PRKN: variants seen among roughly 807,000 people sequenced by gnomAD.
PRKN encodes the protein parkin RBR E3 ubiquitin protein ligase, also known as E3 ubiquitin-protein ligase parkin.
In PRKN, 56 loss-of-function variants were observed where a neutral mutation model predicts 59.5. The observed-to-expected ratio is 0.94, with a 90% confidence interval of 0.76 to 1.18. PRKN has a LOEUF of 1.18. PRKN is among the 50% of genes most tolerant of loss of function. The probability of loss-of-function intolerance (pLI) is 0.00; values close to 1 mark genes in which losing one functional copy is unlikely to be tolerated. For synonymous variants in PRKN, 250 were observed against 222.1 expected, an observed-to-expected ratio of 1.13 and a Z score of -1.12; for missense variants, 657 against 596.4, an observed-to-expected ratio of 1.10 and a Z score of -1.06.
intron 6 of PRKN, among the ~76,000 whole-genome samples, chr6:161,912,943 G>A (rs545588905): frequency 2.0e-5 from 3 of 152,230 alleles, no homozygotes; most frequent in African/African-American, 4.8e-5. Context: ...TTGGGTGGAC[G>A]AGGCGGGTGG....
chr6:162,486,966 A>C (rs961831821), intron 1 of PRKN, among the ~76,000 whole-genome samples: 4 of 152,088 alleles, frequency 2.6e-5, no homozygotes, highest in Admixed American at 2.6e-4. Flanking sequence ...GCTACTCGGG[A>C]GGCTGAGGCA....
chr6:161,833,616 G>A (rs1031052736), intron 6 of PRKN, among the ~76,000 whole-genome samples: 7 of 152,070 alleles, frequency 4.6e-5, no homozygotes, highest in Non-Finnish European at 7.4e-5. Flanking sequence ...GACTCCCCTC[G>A]GATGTCCGGG....
intron 2 of PRKN, among the ~76,000 whole-genome samples, chr6:162,332,609 A>T (rs1783632198): frequency 6.6e-6 from 1 of 152,208 alleles, no homozygotes; most frequent in Admixed American, 6.5e-5. Context: ...TCTGTTGGAA[A>T]ATTGCTGTGA....
At position 161,440,678 on chromosome 6, in the gene PRKN, C is replaced by T. The variant is rs1789166213; in HGVS notation, c.1084-53801G>A. On this transcript the variant is annotated intron_variant, in intron 9 of 11. Transcript: ENST00000366898. This position sits in a 1 kb window ranked among gnomAD's most constrained non-coding sequence, Gnocchi z 4.1. ...ATTCATAACATATCTATCACAAATG[C>T]ATTCTGAGATTGCTTGGATCTAAAT... Among the ~76,000 whole-genome samples, 1 of 152,180 alleles carries T rather than the reference C, an allele frequency of 6.6e-6. No individual in the cohort carries two copies. Among genetic ancestry groups the T allele is most frequent in the Non-Finnish European group, 1.5e-5 (1 of 68,040 alleles).
At chr6:162,567,188 C>T (rs1246812443) in intron 1 of PRKN, among the ~76,000 whole-genome samples, 1 of 109,746 alleles carries the variant, frequency 9.1e-6, no homozygotes, top group South Asian at 3.3e-4. Context: ...AAACTGAAAG[C>T]CTTTCTTCTA....
intron 1 of PRKN, among the ~76,000 whole-genome samples, chr6:162,491,170 T>G (rs900684078): frequency 1.3e-5 from 2 of 148,454 alleles, no homozygotes; most frequent in Admixed American, 1.4e-4. Context: ...CTAGGGAGGC[T>G]GAGGCACACG....
intron 2 of PRKN, among the ~76,000 whole-genome samples, chr6:162,347,410 T>G (rs1784448236): frequency 6.6e-6 from 1 of 151,940 alleles, no homozygotes; most frequent in Admixed American, 6.5e-5. Flanking sequence ...CTTTGATCCA[T>G]TAGTTACTTA....
At chr6:161,572,251 A>T (rs1780918839) in intron 7 of PRKN, among the ~76,000 whole-genome samples, 1 of 152,236 alleles carries the variant, frequency 6.6e-6, no homozygotes, top group Non-Finnish European at 1.5e-5. Context: ...TATATTATAT[A>T]ACATTTCATA....
At chr6:162,189,765 G>T (rs1784195297) in intron 4 of PRKN, among the ~76,000 whole-genome samples, 1 of 151,758 alleles carries the variant, frequency 6.6e-6, no homozygotes, top group East Asian at 2.0e-4. Context: ...TGTCATATTG[G>T]TTTATACTGA....
At chr6:162,588,356 A>T (rs1366014778) in intron 1 of PRKN, among the ~76,000 whole-genome samples, 1 of 151,920 alleles carries the variant, frequency 6.6e-6, no homozygotes, top group African/African-American at 2.4e-5. Context: ...TTCAGTAAGA[A>T]ATAGGATGAT....
intron 2 of PRKN, among the ~76,000 whole-genome samples, chr6:162,398,320 CT>C (rs1250038646): frequency 1.3e-5 from 2 of 151,908 alleles, no homozygotes; most frequent in Non-Finnish European, 2.9e-5. Context: ...TAATGTTTTT[CT>C]TAAAAAAATG....
intron 6 of PRKN, among the ~76,000 whole-genome samples, chr6:161,905,118 C>G (rs1237399941): frequency 1.3e-5 from 2 of 152,178 alleles, no homozygotes; most frequent in Non-Finnish European, 1.5e-5. Context: ...CCCTCCACTT[C>G]CCAGCTTTTT....
chr6:162,178,438 C>T (rs1036103952), intron 4 of PRKN, among the ~76,000 whole-genome samples: 1 of 152,192 alleles, frequency 6.6e-6, no homozygotes, highest in Non-Finnish European at 1.5e-5. Context: ...TTGAACCTGA[C>T]AGGCCCAGAG....
intron 6 of PRKN, among the ~76,000 whole-genome samples, chr6:161,941,270 G>A (rs1366072887): frequency 1.3e-5 from 2 of 152,176 alleles, no homozygotes; most frequent in Admixed American, 6.5e-5. Flanking sequence ...GCGGCTGGAC[G>A]TTGAGAGGAG....
chr6:161,674,242 C>T (rs1039412518), intron 7 of PRKN, among the ~76,000 whole-genome samples: 8 of 151,918 alleles, frequency 5.3e-5, no homozygotes, highest in African/African-American at 1.7e-4. Flanking sequence ...GAACTGAAGG[C>T]TTATCAGCTG....
At chr6:161,840,571 G>C (rs1792942711) in intron 6 of PRKN, among the ~76,000 whole-genome samples, 1 of 152,148 alleles carries the variant, frequency 6.6e-6, no homozygotes, top group Non-Finnish European at 1.5e-5. Context: ...GTACGTGTCA[G>C]TTATGATTTC....
At chr6:161,932,687 T>G (rs953903397) in intron 6 of PRKN, among the ~76,000 whole-genome samples, 4 of 152,254 alleles carry the variant, frequency 2.6e-5, no homozygotes, top group Admixed American at 2.6e-4. Flanking sequence ...CTTCTGCTAG[T>G]CAGCTAGAAT....
At chr6:161,806,489 G>T (rs1791330379) in intron 6 of PRKN, among the ~76,000 whole-genome samples, 1 of 152,104 alleles carries the variant, frequency 6.6e-6, no homozygotes, top group Non-Finnish European at 1.5e-5. Context: ...GACTTGCCCA[G>T]TCTCTCTTGT....
chr6:162,080,444 T>TGCAATAAAGCAGATATC (rs1433549244), intron 4 of PRKN, among the ~76,000 whole-genome samples: 1 of 152,124 alleles, frequency 6.6e-6, no homozygotes, highest in Non-Finnish European at 1.5e-5. Flanking sequence ...TACAGATCAC[T>TGCAATAAAGCAGATATC]GCAATAAAGC....
Sources: gnomAD v4.1 joint callset for allele counts (sites outside exome capture counted in the v4.1 genomes callset) on GRCh38, gnomAD v4.1.1 for gene constraint, Gnocchi (gnomAD v3.1) non-coding constraint, MANE v1.5 for transcripts, NCBI Gene and HGNC (gene_info 2026-07-23, HGNC 2026-07-21) for gene names.